The following CDK15 variants were observed in gnomAD, a reference collection of about 807,000 sequenced individuals.
The protein encoded by CDK15 is cyclin dependent kinase 15.
In CDK15, 62 loss-of-function variants were observed where a neutral mutation model predicts 60.3. The observed-to-expected ratio is 1.03, with a 90% CI of 0.84 to 1.27. The LOEUF (loss-of-function observed/expected upper bound fraction) is 1.27, where lower values mean the gene tolerates loss of function less well. Among genes scored for constraint, CDK15 ranks in the 50% most tolerant of loss-of-function variants. CDK15 has a pLI of 0.00. For synonymous variants in CDK15, 194 were observed against 195.7 expected, an observed-to-expected ratio of 0.99 and a Z score of 0.07; for missense variants, 541 against 527.8, an observed-to-expected ratio of 1.03 and a Z score of -0.25.
rs889723015 is a variant in CDK15 at position 201,811,004 on chromosome 2, G to C, written c.369-1479G>C. Among the ~76,000 whole-genome samples the C allele has an allele frequency of 2.0e-5, 3 of 151,454 alleles. No individual in the cohort carries two copies. In the East Asian group the frequency reaches 5.8e-4, roughly 29 times the overall value. On this transcript the variant is annotated intron_variant, in intron 3 of 13. Transcript: ENST00000652192. ...ATCACAGGCGCGTGCCACCATACCC[G>C]GCTAATTTTTTGTATTTTAGTAGAG... is the stretch of plus-strand genomic sequence containing the variant.
chr2:201,830,026 T>C (rs1398445460), intron 6 of CDK15, among the ~76,000 whole-genome samples: 2 of 152,134 alleles, frequency 1.3e-5, no homozygotes, highest in Non-Finnish European at 2.9e-5. Flanking sequence ...CAGGCTGGTC[T>C]TGAACTTCTG....
Position 201,865,674 on chromosome 2 carries a change from G to C in CDK15, c.1010-6604G>C, listed in dbSNP as rs144139339. Among the ~76,000 whole-genome samples, 1,095 of 152,074 alleles carry C rather than the reference G, an allele frequency of 7.2e-3. 14 individuals are homozygous for C. The highest frequency in any genetic ancestry group is 0.026 in the African/African-American group (1,059 of 41,468). On this transcript the variant is annotated intron_variant, in intron 10 of 13. Coordinates refer to ENST00000652192, the MANE Select transcript of CDK15 (RefSeq NM_001366386.2). ...GGAGGCCGAGGCGGGTGGATCACCT[G>C]AGGTTAGGAGTTCAAGACCAGCCTG... is the stretch of plus-strand genomic sequence containing the variant.
At chr2:201,845,650 A>G (rs1375398328) in intron 8 of CDK15, among the ~76,000 whole-genome samples, 1 of 151,724 alleles carries the variant, frequency 6.6e-6, no homozygotes, top group South Asian at 2.1e-4. Context: ...AAAAATATGT[A>G]ATAAACACAT....
rs572609210 is a variant in CDK15, at chr2:201,815,076, G to A, written c.448+2514G>A. On this transcript the variant is annotated intron_variant, in intron 4 of 13. Transcript: ENST00000652192. ...AAGCAATTCTCCTGCCTCAGCCTCC[G>A]GAGTAGCTGGGATTACAGGCATGTG... Among the ~76,000 whole-genome samples the A allele has an allele frequency of 9.4e-4, 143 of 151,688 alleles. 2 individuals carry two copies. Among genetic ancestry groups the A allele is most frequent in the South Asian group, 3.3e-3 (16 of 4,800 alleles).
chr2:201,893,137 T>C (rs1699689222), intron 13 of CDK15, among the ~76,000 whole-genome samples, 164 bp from the exon 14 acceptor site: 1 of 152,254 alleles, frequency 6.6e-6, no homozygotes, highest in Non-Finnish European at 1.5e-5. Context: ...CTTTCTTAGT[T>C]CTTATAACCA....
Position 201,823,713 on chromosome 2 carries a change from C to G in CDK15, c.592C>G (p.Pro198Ala), listed in dbSNP as rs1179844780. Residue 198 changes from proline (P) to alanine (A), a missense_variant, in exon 6 of 14, where the codon CCT becomes GCT. Transcript: ENST00000652192. Reference protein sequence around the residue: ...YMSQHPGGLHPHNVRLFMFQL... With the variant: ...YMSQHPGGLHAHNVRLFMFQL... ...GTCTCAGCATCCAGGAGGGCTTCAT[C>G]CTCATAATGTCAGAGTGAGTACGTT... 2 of 1,613,622 alleles carry G rather than the reference C, an allele frequency of 1.2e-6. No homozygotes were observed. The highest frequency in any genetic ancestry group is 1.7e-6 in the Non-Finnish European group (2 of 1,179,798).
rs1417041215 is a variant in CDK15 at position 201,872,279 on chromosome 2, A to G, written c.1011A>G (p.Glu337=). The part of the protein sequence containing the change: ...GVSKLPNYNP[E]WFPLPTPRSL... ...TAACGCCCTCTGTATGCTTCCCAGA[A>G]TGGTTCCCACTGCCTACGCCTCGAA... The change falls in exon 11 of 14, where the codon GAA becomes GAG. Residue 337 remains glutamate, a splice_region_variant and synonymous_variant. Transcript: ENST00000652192. The G allele has an allele frequency of 1.2e-6, 2 of 1,613,934 alleles. No individual in the cohort carries two copies. Among genetic ancestry groups the G allele is most frequent in the Non-Finnish European group, 1.7e-6 (2 of 1,179,982 alleles).
At chr2:201,828,347 G>A (rs1696600798) in intron 6 of CDK15, among the ~76,000 whole-genome samples, 1 of 151,912 alleles carries the variant, frequency 6.6e-6, no homozygotes. Flanking sequence ...AAAGAGAGGA[G>A]GACTGATGAT....
At chr2:201,877,798 C>G (rs1181178817) in intron 11 of CDK15, among the ~76,000 whole-genome samples, 1 of 152,184 alleles carries the variant, frequency 6.6e-6, no homozygotes, top group Non-Finnish European at 1.5e-5. Flanking sequence ...AATTTCTTCT[C>G]TATCTTGCCT....
rs761720112 is a variant in CDK15, at chr2:201,882,812, C to T, written c.1198+2645C>T. The stretch of plus-strand genomic sequence containing the variant: ...AAATAGAGGAAGAGACAGAAGCAGC[C>T]AGGGCTGGTTTGTGCACCTTCGTGA... On this transcript the variant is annotated intron_variant, in intron 12 of 13. Coordinates refer to ENST00000652192, the MANE Select transcript of CDK15 (RefSeq NM_001366386.2). This position sits in a 1 kb window ranked among gnomAD's most constrained non-coding sequence, Gnocchi z 4.0. Among the ~76,000 whole-genome samples the T allele has an allele frequency of 4.6e-5, 7 of 152,176 alleles. No individual in the cohort carries two copies. Among genetic ancestry groups the T allele is most frequent in the Admixed American group, 1.3e-4 (2 of 15,278 alleles).
intron 12 of CDK15, among the ~76,000 whole-genome samples, chr2:201,887,546 TCA>T (rs1334042959): frequency 6.6e-6 from 1 of 152,196 alleles, no homozygotes; most frequent in Non-Finnish European, 1.5e-5. Context: ...GTAATAAACC[TCA>T]GTTTCTCCAT....
intron 10 of CDK15, among the ~76,000 whole-genome samples, chr2:201,866,058 G>A (rs1393686340): frequency 1.3e-5 from 2 of 150,586 alleles, no homozygotes; most frequent in Non-Finnish European, 3.0e-5. Context: ...TTGGGGTGAG[G>A]GTGAAGGGCA....
At chr2:201,833,753 T>C in intron 6 of CDK15, 95 bp from the exon 7 acceptor site, 1 of 1,214,704 alleles carries the variant, frequency 8.2e-7, no homozygotes, top group South Asian at 1.7e-5. Context: ...AGAGACACTT[T>C]TACTATATTC....
chr2:201,885,554 T>C (rs950420410), intron 12 of CDK15, among the ~76,000 whole-genome samples: 3 of 152,156 alleles, frequency 2.0e-5, no homozygotes, highest in Admixed American at 2.0e-4. Flanking sequence ...TCCATTTCAA[T>C]ATGTTAGAGG....
chr2:201,833,395 G>C (rs1245217297), intron 6 of CDK15, among the ~76,000 whole-genome samples: 2 of 152,080 alleles, frequency 1.3e-5, no homozygotes, highest in Non-Finnish European at 2.9e-5. Context: ...GTTTTTAAAA[G>C]GGTTTCATAT....
At chr2:201,822,773 C>A in intron 4 of CDK15, 36 bp from the exon 5 acceptor site, 1 of 1,231,436 alleles carries the variant, frequency 8.1e-7, no homozygotes, top group Non-Finnish European at 1.2e-6. Context: ...CTTTCATTAT[C>A]AATGATGGAT....
At chr2:201,844,213 A>G (rs1697535597) in intron 8 of CDK15, among the ~76,000 whole-genome samples, 1 of 152,346 alleles carries the variant, frequency 6.6e-6, no homozygotes, top group South Asian at 2.1e-4. Flanking sequence ...TAACCCAATT[A>G]TGCATGTATT....
intron 10 of CDK15, among the ~76,000 whole-genome samples, chr2:201,861,945 A>T (rs1698420321): frequency 6.6e-6 from 1 of 152,208 alleles, no homozygotes. Context: ...AACTGATGCT[A>T]TCTCTGCTCC....
intron 8 of CDK15, among the ~76,000 whole-genome samples, chr2:201,836,009 T>TA (rs1697015916): frequency 1.0e-5 from 1 of 96,012 alleles, no homozygotes; most frequent in South Asian, 3.4e-4. Context: ...TATTTATATT[T>TA]TTATATTTTT....
Sources: gnomAD v4.1 joint callset for allele counts (sites outside exome capture counted in the v4.1 genomes callset) on GRCh38, gnomAD v4.1.1 for gene constraint, Gnocchi (gnomAD v3.1) non-coding constraint, MANE v1.5 for transcripts, NCBI Gene and HGNC (gene_info 2026-07-23, HGNC 2026-07-21) for gene names.